Variants in TECPR2 observed in about 807,000 individuals in gnomAD.
TECPR2 encodes the protein tectonin beta-propeller repeat containing 2.
TECPR2 carries 65 observed loss-of-function variants against 138.1 expected under a neutral mutation model. That is an observed-to-expected ratio of 0.47 (90% CI 0.39 to 0.58). The LOEUF is 0.58. Among genes scored for constraint, TECPR2 ranks in the 20% least tolerant of loss-of-function variants. The pLI, the probability that TECPR2 is intolerant of heterozygous loss-of-function variation, is 0.00. For missense variants in TECPR2, 1,553 were observed against 1,824.5 expected, an observed-to-expected ratio of 0.85 and a Z score of 2.71; for synonymous variants, 746 against 749.8, an observed-to-expected ratio of 0.99 and a Z score of 0.08.
chr14:102,457,924 G>A (rs1351725624), intron 16 of TECPR2, among the ~76,000 whole-genome samples: 2 of 141,418 alleles, frequency 1.4e-5, no homozygotes, highest in Admixed American at 7.2e-5. Context: ...CCAGGCTGGA[G>A]TGCAATGGTC....
At position 102,443,496 on chromosome 14, in the gene TECPR2, A is replaced by G. The variant is rs1433428987; in HGVS notation, c.2753-151A>G. Reference sequence around the variant, plus strand: ...AAAGGCCCCGTCTATATTTTTAATTAATTAATTAATTAAAGTTTTTTTTTA... The same window carrying G: ...AAAGGCCCCGTCTATATTTTTAATTGATTAATTAATTAAAGTTTTTTTTTA... On this transcript the variant is annotated intron_variant, in intron 11 of 19. Coordinates refer to ENST00000359520, the MANE Select transcript of TECPR2 (RefSeq NM_014844.5). This position sits in a 1 kb window ranked among gnomAD's most constrained non-coding sequence, Gnocchi z 4.9. The G allele has an allele frequency of 1.6e-6, 1 of 623,734 alleles. No homozygotes were observed. Among genetic ancestry groups the G allele is most frequent in the East Asian group, 3.6e-5 (1 of 27,844 alleles). 38.6% of individuals were successfully genotyped at this position (623,734 alleles called of 1,614,324 possible).
At chr14:102,414,938 C>T in intron 5 of TECPR2, 145 bp downstream of exon 5, 2 of 966,392 alleles carry the variant, frequency 2.1e-6, no homozygotes, top group Non-Finnish European at 3.0e-6. Context: ...CTGGTGGGGC[C>T]CTGTGCCTGC....
At chr14:102,445,530 G>A (rs754603341) in intron 12 of TECPR2, among the ~76,000 whole-genome samples, 6 of 152,106 alleles carry the variant, frequency 3.9e-5, no homozygotes, top group Non-Finnish European at 8.8e-5. Context: ...GTGCCTACTC[G>A]CTTTTTTCTT....
chr14:102,461,635 C>T (rs1196338595), intron 16 of TECPR2, among the ~76,000 whole-genome samples: 2 of 152,252 alleles, frequency 1.3e-5, no homozygotes, highest in Admixed American at 1.3e-4. Context: ...CGACTTCACA[C>T]AGTGAACCGT....
chr14:102,499,973 G>C lies in TECPR2; in HGVS notation c.*1716G>C, dbSNP rs56232046. 5,843 of 152,928 alleles carry C rather than the reference G, an allele frequency of 0.038. 147 individuals are homozygous for C. The highest frequency in any genetic ancestry group is 0.059 in the Non-Finnish European group (3,993 of 68,206). The allele number at this position is 152,928 out of a possible 1,614,324, so 9.5% of individuals were successfully genotyped here. On this transcript the variant is annotated 3_prime_UTR_variant, in exon 20 of 20. Transcript: ENST00000359520. ...GTGGCAGCAGAGGCAGCCCCAGGCC[G>C]GGCTGCATCTCTCTGTGTCTGTTGT...
At chr14:102,456,055 T>G (rs1488545838) in intron 16 of TECPR2, among the ~76,000 whole-genome samples, 1 of 152,110 alleles carries the variant, frequency 6.6e-6, no homozygotes, top group Non-Finnish European at 1.5e-5. Flanking sequence ...TGCCCGGCCT[T>G]GGTTTCCTCT....
intron 1 of TECPR2, among the ~76,000 whole-genome samples, chr14:102,364,054 G>A (rs546914468): frequency 6.6e-6 from 1 of 152,200 alleles, no homozygotes; most frequent in Non-Finnish European, 1.5e-5. Context: ...TATGTTCCAT[G>A]TGTTGGCAGA....
intron 1 of TECPR2, among the ~76,000 whole-genome samples, chr14:102,366,463 C>T (rs1190608029): frequency 1.3e-5 from 2 of 152,192 alleles, no homozygotes; most frequent in African/African-American, 4.8e-5. Flanking sequence ...TCTCCTGCCT[C>T]AGCCTCCCAA....
chr14:102,393,671 G>A (rs1417462727), intron 2 of TECPR2, among the ~76,000 whole-genome samples: 1 of 152,226 alleles, frequency 6.6e-6, no homozygotes, highest in South Asian at 2.1e-4. Flanking sequence ...CGATTCTCCT[G>A]CCTCAGCCTC....
intron 1 of TECPR2, among the ~76,000 whole-genome samples, chr14:102,366,259 C>T (rs1333772708): frequency 6.6e-6 from 1 of 152,016 alleles, no homozygotes; most frequent in Non-Finnish European, 1.5e-5. Flanking sequence ...AAGGAAGCAT[C>T]GTAACTTGAA....
intron 16 of TECPR2, among the ~76,000 whole-genome samples, chr14:102,460,442 C>T (rs767260917): frequency 5.3e-5 from 8 of 151,544 alleles, no homozygotes; most frequent in Admixed American, 1.3e-4. Flanking sequence ...GGTGAAGCCC[C>T]GTCTCTACTA....
chr14:102,426,444 C>T (rs2139718392), intron 6 of TECPR2, among the ~76,000 whole-genome samples: 1 of 152,334 alleles, frequency 6.6e-6, no homozygotes, highest in African/African-American at 2.4e-5. Flanking sequence ...CCCGACTCCT[C>T]ACCCCCAGAC....
In TECPR2 at chr14:102,497,002, C is replaced by T. The variant is rs780624484; in HGVS notation, c.3813C>T (p.Ser1271=). 50 of 1,613,866 alleles carry T rather than the reference C, an allele frequency of 3.1e-5. No homozygotes were observed. The highest frequency in any genetic ancestry group is 9.3e-5 in the African/African-American group (7 of 74,926). ...PVQPAGVSLV[S]VHSSPNDQML... ...AGCCCGCCGGGGTCAGCTTGGTCAG[C>T]GTCCATTCCAGCCCCAACGACCAGA... The change falls in exon 18 of 20, where the codon AGC becomes AGT. Residue 1271 remains serine, a synonymous_variant. Coordinates refer to ENST00000359520, the MANE Select transcript of TECPR2 (RefSeq NM_014844.5).
chr14:102,403,258 G>T (rs2139688234), intron 2 of TECPR2, among the ~76,000 whole-genome samples: 1 of 152,290 alleles, frequency 6.6e-6, no homozygotes, highest in Middle Eastern at 3.4e-3. Context: ...CTAATATGCT[G>T]TTTTAACAAA....
chr14:102,500,109 C>G lies in TECPR2; in HGVS notation c.*1852C>G, dbSNP rs1251460814. 2.6e-5 allele frequency: 4 copies of G among 152,700 alleles called. No homozygotes were observed. Among genetic ancestry groups the G allele is most frequent in the Non-Finnish European group, 1.5e-5 (1 of 68,074 alleles). The allele number at this position is 152,700 out of a possible 1,614,324, so 9.5% of individuals were successfully genotyped here. The stretch of plus-strand genomic sequence containing the variant: ...TAAAGTTGTAGCTTCGTGCTTTGTA[C>G]AGTTTTCTTTCTGGTTTTAATTTTT... On this transcript the variant is annotated 3_prime_UTR_variant, in exon 20 of 20. Coordinates refer to ENST00000359520, the MANE Select transcript of TECPR2 (RefSeq NM_014844.5).
At chr14:102,401,827 AG>A (rs1425130871) in intron 2 of TECPR2, among the ~76,000 whole-genome samples, 10 of 149,550 alleles carry the variant, frequency 6.7e-5, no homozygotes, top group East Asian at 2.0e-4. Flanking sequence ...AAAAAAAAAA[AG>A]AGAGACTCAC....
At chr14:102,373,309 T>C (rs1038630303) in intron 1 of TECPR2, among the ~76,000 whole-genome samples, 11 of 152,206 alleles carry the variant, frequency 7.2e-5, no homozygotes, top group Admixed American at 5.9e-4. Flanking sequence ...GACTTTAAGA[T>C]TGAGCGAAAA....
Position 102,425,125 on chromosome 14 carries a change from C to T in TECPR2, c.785C>T (p.Ala262Val), listed in dbSNP as rs762907209. 6.2e-7 allele frequency: 1 copy of T among 1,614,104 alleles called. No homozygotes were observed. Among genetic ancestry groups the T allele is most frequent in the South Asian group, 1.1e-5 (1 of 91,066 alleles). ...QATFILKDAFAGGVKPFELHP... is the reference protein window; with the variant it reads ...QATFILKDAFVGGVKPFELHP... Reference sequence around the variant, plus strand: ...ACGTTTATCTTAAAAGATGCTTTTGCCGGGGGAGTCAAGCCTTTTGAACTG... The same window carrying T: ...ACGTTTATCTTAAAAGATGCTTTTGTCGGGGGAGTCAAGCCTTTTGAACTG... The change falls in exon 6 of 20, where the codon GCC (alanine) becomes GTC (valine). Residue 262 changes from alanine to valine, a missense_variant. Ala to Val is a moderately conservative substitution (Grantham distance 64). Transcript: ENST00000359520.
chr14:102,397,173 G>A (rs761488593), intron 2 of TECPR2, among the ~76,000 whole-genome samples: 2 of 152,096 alleles, frequency 1.3e-5, no homozygotes, highest in Non-Finnish European at 2.9e-5. Context: ...CTGATCTTTG[G>A]CACAGACGGC....
Sources: gnomAD v4.1 joint callset for allele counts (sites outside exome capture counted in the v4.1 genomes callset) on GRCh38, gnomAD v4.1.1 for gene constraint, Gnocchi (gnomAD v3.1) non-coding constraint, MANE v1.5 for transcripts, NCBI Gene and HGNC (gene_info 2026-07-23, HGNC 2026-07-21) for gene names.